PRXL2C: variants seen among roughly 807,000 people sequenced by gnomAD.
PRXL2C encodes peroxiredoxin like 2C.
In PRXL2C, 38 loss-of-function variants were observed where a neutral mutation model predicts 24.9. The ratio of observed to expected loss-of-function variants is 1.53; its 90% CI spans 1.18 to 2.00. The LOEUF (loss-of-function observed/expected upper bound fraction) is 2.00, where lower values mean the gene tolerates loss of function less well. Among genes scored for constraint, PRXL2C ranks in the 30% most tolerant of loss-of-function variants. The pLI is 0.00. For missense variants in PRXL2C, 294 were observed against 290.9 expected, an observed-to-expected ratio of 1.01 and a Z score of -0.08; for synonymous variants, 98 against 117.2, an observed-to-expected ratio of 0.84 and a Z score of 1.06.
At chr9:96,655,041 G>A (rs1170585445) in intron 1 of PRXL2C, 49 bp downstream of exon 1, 4 of 1,450,298 alleles carry the variant, frequency 2.8e-6, no homozygotes, top group Non-Finnish European at 3.6e-6. Flanking sequence ...CCGGCAGCCT[G>A]CCCGGGACCC....
rs200680221 is a variant in PRXL2C, at chr9:96,645,929, G to A, written c.517C>T (p.Pro173Ser). The A allele has an allele frequency of 1.9e-6, 3 of 1,613,462 alleles. No individual in the cohort carries two copies. The highest frequency in any genetic ancestry group is 1.3e-5 in the African/African-American group (1 of 74,966). Reference protein sequence around the residue: ...TGPLFDFQGDPAQQGGTLILG... With the variant: ...TGPLFDFQGDSAQQGGTLILG... ...ATGAGGGTTCCACCTTGCTGAGCTG[G>A]GTCTCCTTGAAAATCAAAGAGAGGG... The change falls in exon 5 of 6, where the codon CCA (proline) becomes TCA (serine). Residue 173 changes from proline (P) to serine (S), a missense_variant. Physicochemically the swap from Pro to Ser is moderately conservative, Grantham distance 74. Transcript: ENST00000375234.
chr9:96,645,291 C>T (rs921634750), intron 5 of PRXL2C, among the ~76,000 whole-genome samples: 1 of 152,072 alleles, frequency 6.6e-6, no homozygotes, highest in East Asian at 1.9e-4. Context: ...TCCTAAATAG[C>T]GGAGTGTGTG....
chr9:96,651,023 G>A (rs1281076290), intron 4 of PRXL2C, among the ~76,000 whole-genome samples: 2 of 152,132 alleles, frequency 1.3e-5, no homozygotes, highest in African/African-American at 4.8e-5. Context: ...GGGTGCAGTG[G>A]CTCATGCCTA....
intron 4 of PRXL2C, among the ~76,000 whole-genome samples, chr9:96,646,832 C>T (rs568487711): frequency 6.6e-6 from 1 of 152,198 alleles, no homozygotes; most frequent in East Asian, 1.9e-4. Flanking sequence ...CTCTCGTTGC[C>T]CAGGATGGAG....
intron 2 of PRXL2C, 27 bp from the exon 3 acceptor site, chr9:96,651,739 A>T: frequency 1.3e-6 from 2 of 1,566,404 alleles, no homozygotes; most frequent in Non-Finnish European, 1.7e-6. Flanking sequence ...GGACATGTAT[A>T]TATCATTAGA....
intron 5 of PRXL2C, among the ~76,000 whole-genome samples, chr9:96,643,213 A>G (rs1848142200): frequency 6.6e-6 from 1 of 152,126 alleles, no homozygotes; most frequent in Non-Finnish European, 1.5e-5. Flanking sequence ...CCAAGTTGGC[A>G]CACAAATGAT....
Position 96,640,879 on chromosome 9 carries a change from A to G in PRXL2C, c.*880T>C, listed in dbSNP as rs1187782158. 1 of 151,980 alleles carries G rather than the reference A, an allele frequency of 6.6e-6. No homozygotes were observed. Among genetic ancestry groups the G allele is most frequent in the South Asian group, 2.1e-4 (1 of 4,808 alleles). 9.4% of individuals were successfully genotyped at this position (151,980 alleles called of 1,614,324 possible). A position where few individuals can be genotyped will look rare whatever the true frequency, so the allele number is the denominator to read the frequency against. On this transcript the variant is annotated 3_prime_UTR_variant, in exon 6 of 6. Transcript: ENST00000375234. ...CTTATAGTTCCCTTTCAAAAAGCACACTGACCATATTTTTAAATACATATC... is the reference window on the plus strand; with the variant it reads ...CTTATAGTTCCCTTTCAAAAAGCACGCTGACCATATTTTTAAATACATATC...
At chr9:96,642,795 G>A (rs895541881) in intron 5 of PRXL2C, among the ~76,000 whole-genome samples, 17 of 151,962 alleles carry the variant, frequency 1.1e-4, no homozygotes, top group Admixed American at 9.2e-4. Context: ...CGCCCACCTC[G>A]GCCTCCCAAA....
At chr9:96,650,873 T>C (rs907094257) in intron 4 of PRXL2C, among the ~76,000 whole-genome samples, 4 of 152,132 alleles carry the variant, frequency 2.6e-5, no homozygotes, top group African/African-American at 7.2e-5. Flanking sequence ...TGGAACCACA[T>C]TGAAAACACT....
chr9:96,641,138 T>C lies in PRXL2C; in HGVS notation c.*621A>G, dbSNP rs1426613360. 1 of 152,182 alleles carries C rather than the reference T, an allele frequency of 6.6e-6. No individual in the cohort carries two copies. Among genetic ancestry groups the C allele is most frequent in the Non-Finnish European group, 1.5e-5 (1 of 68,030 alleles). 9.4% of individuals were successfully genotyped at this position (152,182 alleles called of 1,614,324 possible). On this transcript the variant is annotated 3_prime_UTR_variant, in exon 6 of 6. Transcript: ENST00000375234. Reference sequence around the variant, plus strand: ...TATGTGGCATAAAATTGTCCTATAATGTTTAAAGACCTTTTCCTGGCCCTA... The same window carrying C: ...TATGTGGCATAAAATTGTCCTATAACGTTTAAAGACCTTTTCCTGGCCCTA...
In PRXL2C at chr9:96,639,853, G is replaced by A. The variant is rs1016411907; in HGVS notation, c.*1906C>T. 1 of 152,248 alleles carries A rather than the reference G, an allele frequency of 6.6e-6. No homozygotes were observed. Among genetic ancestry groups the A allele is most frequent in the East Asian group, 1.9e-4 (1 of 5,172 alleles). The allele number at this position is 152,248 out of a possible 1,614,324, so 9.4% of individuals were successfully genotyped here. A position where few individuals can be genotyped will look rare whatever the true frequency, so the allele number is the denominator to read the frequency against. Reference sequence around the variant, plus strand: ...CATGCCTATAATCCTAGCACTTTGGGAGGCTGAGGCAGGCAGATCACCTGA... The same window carrying A: ...CATGCCTATAATCCTAGCACTTTGGAAGGCTGAGGCAGGCAGATCACCTGA... On this transcript the variant is annotated 3_prime_UTR_variant, in exon 6 of 6. Transcript: ENST00000375234.
Position 96,641,107 on chromosome 9 carries a change from GGTT to G in PRXL2C, c.*649_*651del, listed in dbSNP as rs371859847. On this transcript the variant is annotated 3_prime_UTR_variant, in exon 6 of 6. Coordinates refer to ENST00000375234, the MANE Select transcript of PRXL2C (RefSeq NM_153698.2). The stretch of plus-strand genomic sequence containing the variant: ...TTATATAATTTTGCTCTTTTGTGAA[GGTT>G]GTTATGTGGCATAAAATTGTCCTAT... 1 of 152,080 alleles carries G rather than the reference GGTT, an allele frequency of 6.6e-6. No homozygotes were observed. Among genetic ancestry groups the G allele is most frequent in the Non-Finnish European group, 1.5e-5 (1 of 68,034 alleles). The allele number at this position is 152,080 out of a possible 1,614,324, so 9.4% of individuals were successfully genotyped here. A position where few individuals can be genotyped will look rare whatever the true frequency, so the allele number is the denominator to read the frequency against.
chr9:96,647,080 G>A (rs972967751), intron 4 of PRXL2C, among the ~76,000 whole-genome samples: 6 of 152,066 alleles, frequency 3.9e-5, no homozygotes, highest in Admixed American at 6.6e-5. Context: ...ATAAGCCACC[G>A]CAGCCGGTCC....
chr9:96,651,980 C>T (rs559970813), intron 2 of PRXL2C, among the ~76,000 whole-genome samples: 5 of 152,294 alleles, frequency 3.3e-5, no homozygotes, highest in Middle Eastern at 3.4e-3. Context: ...AAAACTGCTA[C>T]ATGACATGGG....
Position 96,641,594 on chromosome 9 carries a change from C to G in PRXL2C, c.*165G>C. 1 of 506,222 alleles carries G rather than the reference C, an allele frequency of 2.0e-6. No homozygotes were observed. The highest frequency in any genetic ancestry group is 8.8e-5 in the South Asian group (1 of 11,346). The allele number at this position is 506,222 out of a possible 1,614,324, so 31.4% of individuals were successfully genotyped here. Reference sequence around the variant, plus strand: ...ATATAACATATTTTGACAACTGATGCTTCCCAGCATGCAATTCAACAGGTT... The same window carrying G: ...ATATAACATATTTTGACAACTGATGGTTCCCAGCATGCAATTCAACAGGTT... On this transcript the variant is annotated 3_prime_UTR_variant, in exon 6 of 6. Coordinates refer to ENST00000375234, the MANE Select transcript of PRXL2C (RefSeq NM_153698.2).
chr9:96,641,885 A>G lies in PRXL2C; in HGVS notation c.555T>C (p.Gly185=). ...CGCGGTGTATAAAATGGATGTTGTT[A>G]CCTAGAAGAGAATAAGAATAAAAGG... The part of the protein sequence containing the change: ...QQGGTLILGP[G]NNIHFIHRDR... Residue 185 remains glycine, a splice_region_variant and synonymous_variant, in exon 6 of 6, where the codon GGT becomes GGC. Transcript: ENST00000375234. 6.7e-7 allele frequency: 1 copy of G among 1,490,108 alleles called. No homozygotes were observed. The highest frequency in any genetic ancestry group is 9.1e-7 in the Non-Finnish European group (1 of 1,100,824). 92.3% of individuals were successfully genotyped at this position (1,490,108 alleles called of 1,614,324 possible).
At chr9:96,654,507 T>C (rs1012456423) in intron 2 of PRXL2C, among the ~76,000 whole-genome samples, 198 bp downstream of exon 2, 1 of 152,208 alleles carries the variant, frequency 6.6e-6, no homozygotes, top group Non-Finnish European at 1.5e-5. Flanking sequence ...TTAGTACGTT[T>C]ACCACCAGGC....
intron 5 of PRXL2C, among the ~76,000 whole-genome samples, chr9:96,645,670 A>T (rs1056068795): frequency 1.3e-5 from 2 of 151,692 alleles, no homozygotes; most frequent in Admixed American, 6.6e-5. Flanking sequence ...CGTGGCGGGC[A>T]CCTGTAGTCC....
chr9:96,641,514 T>C lies in PRXL2C; in HGVS notation c.*245A>G, dbSNP rs1309410962. ...TATGATTTTATAGCTTTTAAAGTTATATTTTGTATATTCATTTTTTTTGTA... is the reference window on the plus strand; with the variant it reads ...TATGATTTTATAGCTTTTAAAGTTACATTTTGTATATTCATTTTTTTTGTA... On this transcript the variant is annotated 3_prime_UTR_variant, in exon 6 of 6. Coordinates refer to ENST00000375234, the MANE Select transcript of PRXL2C (RefSeq NM_153698.2). The C allele has an allele frequency of 3.3e-6, 1 of 300,366 alleles. No homozygotes were observed. Among genetic ancestry groups the C allele is most frequent in the African/African-American group, 2.2e-5 (1 of 46,282 alleles). 18.6% of individuals were successfully genotyped at this position (300,366 alleles called of 1,614,324 possible).
Sources: allele counts gnomAD v4.1 joint callset (sites outside exome capture counted in the v4.1 genomes callset), GRCh38; gene constraint gnomAD v4.1.1; transcripts MANE v1.5; gene names NCBI Gene and HGNC (gene_info 2026-07-23, HGNC 2026-07-21).